GRK3: variants seen among roughly 807,000 people sequenced by gnomAD.
The protein encoded by GRK3 is G protein-coupled receptor kinase 3.
GRK3 carries 54 observed loss-of-function variants against 95.7 expected under a neutral mutation model. That is an observed-to-expected ratio of 0.56 (90% CI 0.45 to 0.71). GRK3 has a LOEUF of 0.71. GRK3 is among the 30% of genes least tolerant of loss of function. The pLI is 0.00. For missense variants in GRK3, 649 were observed against 851.2 expected (o/e 0.76, Z 2.96); for synonymous variants, 281 against 290.8 (o/e 0.97, Z 0.34).
At chr22:25,693,005 T>C (rs2085177217) in intron 12 of GRK3, among the ~76,000 whole-genome samples, 1 of 152,236 alleles carries the variant, frequency 6.6e-6, no homozygotes, top group African/African-American at 2.4e-5. Context: ...GTTTTTGATT[T>C]GAGCTTAGAC....
intron 2 of GRK3, among the ~76,000 whole-genome samples, chr22:25,639,351 T>G (rs2084726504): frequency 6.6e-6 from 1 of 152,198 alleles, no homozygotes; most frequent in African/African-American, 2.4e-5. Flanking sequence ...AATCCTTAAT[T>G]TAATTCTTTA....
chr22:25,576,165 G>A (rs545776363), intron 1 of GRK3, among the ~76,000 whole-genome samples: 3 of 151,876 alleles, frequency 2.0e-5, no homozygotes, highest in Non-Finnish European at 4.4e-5. Context: ...CGTGCCCAGC[G>A]TCTGTGTGGC....
intron 13 of GRK3, among the ~76,000 whole-genome samples, chr22:25,698,168 G>C: frequency 6.9e-6 from 1 of 145,720 alleles, no homozygotes; most frequent in African/African-American, 2.5e-5. Context: ...AAGGGAGAGA[G>C]GAAGAGAGGG....
chr22:25,710,006 C>T (rs371532347), intron 16 of GRK3, 42 bp downstream of exon 16: 15 of 1,360,630 alleles, frequency 1.1e-5, no homozygotes, highest in African/African-American at 5.7e-5. Flanking sequence ...ACTGCCGCCC[C>T]GCCCTTACCC....
At chr22:25,576,303 T>A (rs4049398) in intron 1 of GRK3, among the ~76,000 whole-genome samples, 96 of 152,092 alleles carry the variant, frequency 6.3e-4, no homozygotes, top group South Asian at 1.9e-3. Flanking sequence ...CTCCTAGGAG[T>A]GGCTTACGCT....
chr22:25,674,187 C>G (rs754515438), intron 7 of GRK3, among the ~76,000 whole-genome samples: 5 of 152,174 alleles, frequency 3.3e-5, no homozygotes, highest in Admixed American at 6.5e-5. Context: ...CTTGGTTCCA[C>G]TCCATCATCT....
intron 1 of GRK3, among the ~76,000 whole-genome samples, chr22:25,594,972 G>A (rs1022434737): frequency 1.3e-5 from 2 of 151,846 alleles, no homozygotes; most frequent in Non-Finnish European, 2.9e-5. Context: ...AATCCAGTAC[G>A]CTTCATGTTA....
intron 2 of GRK3, among the ~76,000 whole-genome samples, chr22:25,610,564 G>A (rs1042004478): frequency 2.0e-5 from 3 of 152,100 alleles, no homozygotes; most frequent in African/African-American, 4.8e-5. Context: ...TTGTGCCCCC[G>A]TCACCACAAT....
chr22:25,622,032 G>A (rs923720863), intron 2 of GRK3, among the ~76,000 whole-genome samples: 1 of 152,112 alleles, frequency 6.6e-6, no homozygotes, highest in Non-Finnish European at 1.5e-5. Context: ...GGCATCCTTT[G>A]CCTTTTTTTT....
At chr22:25,596,012 A>G (rs1364542766) in intron 1 of GRK3, among the ~76,000 whole-genome samples, 1 of 152,192 alleles carries the variant, frequency 6.6e-6, no homozygotes, top group African/African-American at 2.4e-5. Context: ...GTTCTACTTC[A>G]AGGAAGATGA....
chr22:25,587,922 T>C (rs990952561), intron 1 of GRK3, among the ~76,000 whole-genome samples: 1 of 152,226 alleles, frequency 6.6e-6, no homozygotes, highest in Non-Finnish European at 1.5e-5. Flanking sequence ...TAAACCCTGT[T>C]TCCTGGATAC....
Position 25,725,372 on chromosome 22 carries a change from A to G in GRK3, c.*2922A>G. 1 of 394,156 alleles carries G rather than the reference A, an allele frequency of 2.5e-6. No individual in the cohort carries two copies. The highest frequency in any genetic ancestry group is 3.6e-5 in the East Asian group (1 of 27,794). 24.4% of individuals were successfully genotyped at this position (394,156 alleles called of 1,614,324 possible). On this transcript the variant is annotated 3_prime_UTR_variant, in exon 21 of 21. Transcript: ENST00000324198. ...TGATTCAAAAGAATCAATAAAGCCT[A>G]AAAATAATAGATTACTTTAAGCTGC...
chr22:25,584,010 TA>T (rs1175029385), intron 1 of GRK3, among the ~76,000 whole-genome samples: 1 of 152,232 alleles, frequency 6.6e-6, no homozygotes, highest in Non-Finnish European at 1.5e-5. Flanking sequence ...AGAGAAAAGC[TA>T]ATGATTTATT....
intron 1 of GRK3, among the ~76,000 whole-genome samples, chr22:25,572,442 C>T (rs1333195207): frequency 1.3e-5 from 2 of 152,198 alleles, no homozygotes; most frequent in South Asian, 2.1e-4. Flanking sequence ...CAGTCTTCCA[C>T]AATGGTTGAA....
intron 2 of GRK3, among the ~76,000 whole-genome samples, chr22:25,621,654 A>C (rs530618601): frequency 6.6e-6 from 1 of 152,354 alleles, no homozygotes; most frequent in South Asian, 2.1e-4. Flanking sequence ...GGGCAGCAAG[A>C]ATGGTTATTT....
chr22:25,674,447 A>G lies in GRK3; in HGVS notation c.566A>G (p.Asn189Ser). The change falls in exon 8 of 21, where the codon AAT (asparagine) becomes AGT (serine). Residue 189 changes from asparagine to serine, a missense_variant. By Grantham distance (46) the Asn-to-Ser change is conservative. This residue lies in a region of GRK3 where 206 missense variants were observed against 231.4 expected (regional missense o/e 0.89). Coordinates refer to ENST00000324198, the MANE Select transcript of GRK3 (RefSeq NM_005160.4). ...GTTTGGATTTCCCAGTTGACCATGAATGAGTTCAGTGTGCATAGGATTATT... is the reference window on the plus strand; with the variant it reads ...GTTTGGATTTCCCAGTTGACCATGAGTGAGTTCAGTGTGCATAGGATTATT... ...NVELNIHLTMNEFSVHRIIGR... is the reference protein window; with the variant it reads ...NVELNIHLTMSEFSVHRIIGR... The G allele has an allele frequency of 6.2e-7, 1 of 1,613,202 alleles. No homozygotes were observed. The highest frequency in any genetic ancestry group is 8.5e-7 in the Non-Finnish European group (1 of 1,179,374).
rs760916929 is a variant in GRK3, at chr22:25,565,131, A to G, written c.91A>G (p.Arg31Gly). Reference sequence around the variant, plus strand: ...GACCCCGGCCGCCCGCGCCAGCAAGAGGATCGTCCTGCCGGAGCCCAGGTA... The same window carrying G: ...GACCCCGGCCGCCCGCGCCAGCAAGGGGATCGTCCTGCCGGAGCCCAGGTA... Reference protein sequence around the residue: ...KATPAARASKRIVLPEPSIRS... With the variant: ...KATPAARASKGIVLPEPSIRS... The change falls in exon 1 of 21, where the codon AGG (arginine) becomes GGG (glycine). Residue 31 changes from arginine (R) to glycine (G), a missense_variant. Transcript: ENST00000324198. 1.3e-6 allele frequency: 2 copies of G among 1,545,360 alleles called. No homozygotes were observed. Among genetic ancestry groups the G allele is most frequent in the Non-Finnish European group, 1.7e-6 (2 of 1,149,400 alleles).
intron 16 of GRK3, 85 bp downstream of exon 16, chr22:25,710,049 C>G: frequency 4.9e-6 from 5 of 1,015,810 alleles, no homozygotes; most frequent in East Asian, 2.4e-5. Context: ...GTCTCTGTCT[C>G]TCTATGCACT....
intron 17 of GRK3, among the ~76,000 whole-genome samples, chr22:25,711,434 C>A (rs894641441): frequency 5.3e-5 from 8 of 152,014 alleles, no homozygotes; most frequent in Non-Finnish European, 1.0e-4. Flanking sequence ...TTGAATTATA[C>A]CTGAAGCAGG....
Sources: allele counts gnomAD v4.1 joint callset (sites outside exome capture counted in the v4.1 genomes callset), GRCh38; gene constraint gnomAD v4.1.1; regional missense constraint gnomAD v4.1.1; transcripts MANE v1.5; gene names NCBI Gene and HGNC (gene_info 2026-07-23, HGNC 2026-07-21).